Variants in SLC36A1 observed in about 807,000 individuals in gnomAD.
SLC36A1 encodes the protein proton-coupled amino acid transporter 1.
Under a neutral mutation model 47.5 loss-of-function variants are expected in SLC36A1, and 30 were observed. The observed-to-expected ratio is 0.63, with a 90% CI of 0.47 to 0.86. The LOEUF (loss-of-function observed/expected upper bound fraction) is 0.86, where lower values mean the gene tolerates loss of function less well. Ranked by LOEUF, SLC36A1 falls within the 40% of genes least tolerant of loss-of-function variation. The probability of loss-of-function intolerance (pLI) is 0.00; values close to 1 mark genes in which losing one functional copy is unlikely to be tolerated. For synonymous variants in SLC36A1, 255 were observed against 249.7 expected, an observed-to-expected ratio of 1.02 and a Z score of -0.20; for missense variants, 517 against 606.0, an observed-to-expected ratio of 0.85 and a Z score of 1.54.
chr5:151,366,407 G>A, the SLC36A1 span: 1 of 185,392 alleles, frequency 5.4e-6, no homozygotes, highest in Non-Finnish European at 1.2e-5. Context: ...GGTGCCAGTG[G>A]AGTTTGGAAA....
At chr5:151,524,552 A>G in the SLC36A1 span, among the ~76,000 whole-genome samples, 2 of 152,138 alleles carry the variant, frequency 1.3e-5, no homozygotes, top group Admixed American at 6.5e-5. Flanking sequence ...TGGGAAATAC[A>G]TTTCTGTCCT....
At chr5:151,514,355 C>T in the SLC36A1 span, among the ~76,000 whole-genome samples, 25 of 152,186 alleles carry the variant, frequency 1.6e-4, no homozygotes, top group East Asian at 2.3e-3. Context: ...GTAATGTCCT[C>T]GTTCCTCTCC....
At chr5:151,527,293 C>T in the SLC36A1 span, 2 of 1,608,320 alleles carry the variant, frequency 1.2e-6, no homozygotes, top group African/African-American at 2.7e-5. Flanking sequence ...TTGACATCAG[C>T]CACTTGGATA....
chr5:151,511,813 G>T, the SLC36A1 span: 1 of 229,480 alleles, frequency 4.4e-6, no homozygotes, highest in Admixed American at 5.0e-5. Flanking sequence ...CTAGTGTTAG[G>T]GAAGGGGAAG....
Position 151,458,910 on chromosome 5 carries a change from C to T in SLC36A1, c.118C>T (p.Arg40Cys), listed in dbSNP as rs147768311. 197 of 1,613,366 alleles carry T rather than the reference C, an allele frequency of 1.2e-4. No homozygotes were observed. Among genetic ancestry groups the T allele is most frequent in the Middle Eastern group, 5.0e-4 (3 of 6,058 alleles). Residue 40 changes from arginine to cysteine, a missense_variant, in exon 2 of 11, where the codon CGC becomes TGC. Arg to Cys is a radical substitution (Grantham distance 180, BLOSUM62 -3). Coordinates refer to ENST00000243389, the MANE Select transcript of SLC36A1 (RefSeq NM_078483.4). ...CCTCTCCTCCCCGGGCTCCTACCAG[C>T]GCTTTGGTCAAAGCAATAGCACAAC... ...NNLSSPGSYQRFGQSNSTTWF... is the reference protein window; with the variant it reads ...NNLSSPGSYQCFGQSNSTTWF...
At chr5:151,418,266 A>G in the SLC36A1 span, among the ~76,000 whole-genome samples, 2 of 152,240 alleles carry the variant, frequency 1.3e-5, no homozygotes, top group African/African-American at 2.4e-5. Context: ...CCACTGGGAC[A>G]CTGTCTAATG....
Position 151,458,808 on chromosome 5 carries a change from C to T in SLC36A1, c.16C>T (p.Leu6Phe). MSTQR[L>F]RNEDYHDYSS... ...CCCAGCTGCCATGTCCACGCAGAGACTTCGGAATGAAGACTACCACGACTA... is the reference window on the plus strand; with the variant it reads ...CCCAGCTGCCATGTCCACGCAGAGATTTCGGAATGAAGACTACCACGACTA... The change falls in exon 2 of 11, where the codon CTT becomes TTT. Residue 6 changes from leucine (L) to phenylalanine (F), a missense_variant. By Grantham distance (22) the Leu-to-Phe change is conservative. Transcript: ENST00000243389. 6.2e-7 allele frequency: 1 copy of T among 1,614,056 alleles called. No individual in the cohort carries two copies. The highest frequency in any genetic ancestry group is 8.5e-7 in the Non-Finnish European group (1 of 1,179,952).
the SLC36A1 span, chr5:151,347,162 T>G: frequency 9.5e-7 from 1 of 1,058,078 alleles, no homozygotes; most frequent in South Asian, 1.3e-5. Context: ...ACTCAGCCCA[T>G]GACTGCACCT....
chr5:151,433,674 G>T (rs1449671721), upstream of SLC36A1, among the ~76,000 whole-genome samples: 1 of 152,096 alleles, frequency 6.6e-6, no homozygotes, highest in Non-Finnish European at 1.5e-5. Flanking sequence ...TACTCACTCA[G>T]CCAGGTGAAG....
At chr5:151,464,384 G>A in intron 3 of SLC36A1, 130 bp from the exon 4 acceptor site, 4 of 711,146 alleles carry the variant, frequency 5.6e-6, no homozygotes, top group East Asian at 2.7e-5. Flanking sequence ...TCTAATGCTG[G>A]GCCCAAAGTT....
chr5:151,394,459 T>A, the SLC36A1 span, among the ~76,000 whole-genome samples: 16 of 152,388 alleles, frequency 1.0e-4, no homozygotes, highest in South Asian at 3.1e-3. Context: ...GCTGCACTCC[T>A]TTGGAGAGGG....
chr5:151,457,854 G>GTTTTTTT (rs35595732), intron 1 of SLC36A1, among the ~76,000 whole-genome samples: 5 of 143,614 alleles, frequency 3.5e-5, no homozygotes, highest in Admixed American at 6.9e-5. Context: ...TTGTTTGTTT[G>GTTTTTTT]TTTTTTTTTT....
At chr5:151,509,818 G>A in the SLC36A1 span, 1 of 591,340 alleles carries the variant, frequency 1.7e-6, no homozygotes, top group East Asian at 2.6e-5. Flanking sequence ...TCTCCTGCCT[G>A]GTCCGTGGAA....
chr5:151,499,308 A>G, the SLC36A1 span, among the ~76,000 whole-genome samples: 1 of 152,186 alleles, frequency 6.6e-6, no homozygotes, highest in African/African-American at 2.4e-5. Flanking sequence ...AGGGTTTCCA[A>G]AGCCTGTCCT....
the SLC36A1 span, chr5:151,550,677 G>A: frequency 4.3e-6 from 7 of 1,614,072 alleles, no homozygotes; most frequent in Admixed American, 6.7e-5. Flanking sequence ...GGTCCAGCTG[G>A]AAGAGGCTGG....
At chr5:151,417,976 C>A in the SLC36A1 span, among the ~76,000 whole-genome samples, 1 of 152,236 alleles carries the variant, frequency 6.6e-6, no homozygotes, top group African/African-American at 2.4e-5. Context: ...GACTTGGTGG[C>A]CTGCACCCCA....
At chr5:151,379,898 T>C in the SLC36A1 span, among the ~76,000 whole-genome samples, 5 of 152,208 alleles carry the variant, frequency 3.3e-5, no homozygotes, top group East Asian at 9.6e-4. Flanking sequence ...ATACAAGAAA[T>C]ATTATAGCAT....
At chr5:151,440,402 C>G (rs1752552772) in intron 1 of SLC36A1, among the ~76,000 whole-genome samples, 1 of 152,002 alleles carries the variant, frequency 6.6e-6, no homozygotes, top group Non-Finnish European at 1.5e-5. Flanking sequence ...GGGCAGTGGT[C>G]TTAACAGAGA....
chr5:151,458,253 T>C (rs1359900533), intron 1 of SLC36A1, among the ~76,000 whole-genome samples: 1 of 149,756 alleles, frequency 6.7e-6, no homozygotes, highest in Non-Finnish European at 1.5e-5. Context: ...CTTGTACATA[T>C]ATATATATAC....
Sources: allele counts gnomAD v4.1 joint callset (sites outside exome capture counted in the v4.1 genomes callset), GRCh38; gene constraint gnomAD v4.1.1; transcripts MANE v1.5; gene names NCBI Gene and HGNC (gene_info 2026-07-23, HGNC 2026-07-21).